KLHL29: variants seen among roughly 807,000 people sequenced by gnomAD.
KLHL29 encodes kelch-like protein 29.
A neutral mutation model predicts 80.4 loss-of-function variants in KLHL29; 21 were observed. The observed-to-expected ratio is 0.26, with a 90% CI of 0.19 to 0.38. The LOEUF is 0.38. Among genes scored for constraint, KLHL29 ranks in the 10% least tolerant of loss-of-function variants. The pLI, the probability that KLHL29 is intolerant of heterozygous loss-of-function variation, is 1.00. For missense variants in KLHL29, 867 were observed against 1,223.9 expected (o/e 0.71, Z 4.35); for synonymous variants, 511 against 526.8 (o/e 0.97, Z 0.41).
At chr2:23,455,998 A>T (rs1283703577) in intron 1 of KLHL29, among the ~76,000 whole-genome samples, 1 of 152,164 alleles carries the variant, frequency 6.6e-6, no homozygotes, top group East Asian at 1.9e-4. Context: ...GGACTTCGTG[A>T]GAAAGCGGCC....
intron 1 of KLHL29, among the ~76,000 whole-genome samples, chr2:23,463,139 T>G (rs1664260827): frequency 6.6e-6 from 1 of 151,944 alleles, no homozygotes; most frequent in African/African-American, 2.4e-5. Flanking sequence ...CTGACAATTT[T>G]TTGGAACGTC....
intron 1 of KLHL29, among the ~76,000 whole-genome samples, chr2:23,400,915 T>C (rs1266610754): frequency 6.6e-6 from 1 of 152,248 alleles, no homozygotes; most frequent in Non-Finnish European, 1.5e-5. Flanking sequence ...CTGGACATGA[T>C]GCAATCATAG....
chr2:23,505,139 G>A (rs1005266769), intron 2 of KLHL29, among the ~76,000 whole-genome samples: 5 of 152,112 alleles, frequency 3.3e-5, no homozygotes, highest in East Asian at 3.9e-4. Context: ...CTCTCCCTTC[G>A]AGGTTAAGTG....
chr2:23,630,475 G>C (rs1011855527), intron 3 of KLHL29, among the ~76,000 whole-genome samples: 7 of 152,018 alleles, frequency 4.6e-5, no homozygotes, highest in African/African-American at 1.7e-4. Flanking sequence ...GCCATGCCCT[G>C]AGTTTTTTTT....
At chr2:23,563,938 C>T (rs1001996743) in intron 3 of KLHL29, among the ~76,000 whole-genome samples, 1 of 152,252 alleles carries the variant, frequency 6.6e-6, no homozygotes. Context: ...CTCCCCTGGG[C>T]GCCAGCCCGA....
At chr2:23,402,576 C>A (rs1198199066) in intron 1 of KLHL29, among the ~76,000 whole-genome samples, 2 of 152,120 alleles carry the variant, frequency 1.3e-5, no homozygotes, top group Admixed American at 1.3e-4. Context: ...GACTGCTCTG[C>A]CCAGCTGTGA....
chr2:23,678,232 C>A (rs1175763609), intron 5 of KLHL29, among the ~76,000 whole-genome samples: 2 of 152,214 alleles, frequency 1.3e-5, no homozygotes, highest in Non-Finnish European at 2.9e-5. Flanking sequence ...CCAGGCAGAG[C>A]CTCTTCCAGT....
chr2:23,676,792 G>C (rs1241640160), intron 5 of KLHL29, among the ~76,000 whole-genome samples: 1 of 152,202 alleles, frequency 6.6e-6, no homozygotes, highest in Non-Finnish European at 1.5e-5. Context: ...GAACATGATA[G>C]AATATGAAGC....
chr2:23,696,756 T>C lies in KLHL29; in HGVS notation c.2105+243T>C. On this transcript the variant is annotated intron_variant, in intron 11 of 13. Coordinates refer to ENST00000486442, the MANE Select transcript of KLHL29 (RefSeq NM_052920.2). This position sits in a 1 kb window ranked among gnomAD's most constrained non-coding sequence, Gnocchi z 5.5. ...GCTGAGATGGGAGATGGGGCGCTTC[T>C]GTCCCGACAACCCATTTAGGTGTCA... 2.2e-6 allele frequency: 1 copy of C among 457,824 alleles called. No individual in the cohort carries two copies. Among genetic ancestry groups the C allele is most frequent in the Non-Finnish European group, 3.9e-6 (1 of 259,412 alleles). The allele number at this position is 457,824 out of a possible 1,614,324, so 28.4% of individuals were successfully genotyped here.
intron 1 of KLHL29, among the ~76,000 whole-genome samples, chr2:23,405,357 A>C (rs1260528833): frequency 6.6e-6 from 1 of 152,238 alleles, no homozygotes; most frequent in East Asian, 1.9e-4. Context: ...AATGACATTT[A>C]AAAATTACCA....
chr2:23,548,638 T>G (rs1396412779), intron 2 of KLHL29, among the ~76,000 whole-genome samples: 1 of 151,988 alleles, frequency 6.6e-6, no homozygotes, highest in African/African-American at 2.4e-5. Context: ...TCCTAGAGAG[T>G]GGATGGCCTG....
Position 23,696,042 on chromosome 2 carries a change from GAAC to G in KLHL29, c.1839_1841del (p.Asn613del). The stretch of plus-strand genomic sequence containing the variant: ...TGGCCGTCACCTGCTGGAACCCGCA[GAAC>G]AACAAGTGGTACCCCTTGGCCTCGC... On this transcript the variant is annotated inframe_deletion, in exon 10 of 14. Transcript: ENST00000486442. The surrounding 1 kb of genome is among the most constrained non-coding windows in gnomAD (Gnocchi z 5.5). The G allele has an allele frequency of 1.3e-6, 2 of 1,551,742 alleles. No homozygotes were observed. The highest frequency in any genetic ancestry group is 1.7e-6 in the Non-Finnish European group (2 of 1,146,984).
intron 2 of KLHL29, among the ~76,000 whole-genome samples, chr2:23,552,094 G>A (rs1667146346): frequency 6.6e-6 from 1 of 152,264 alleles, no homozygotes; most frequent in South Asian, 2.1e-4. Flanking sequence ...AGCAAAGGCT[G>A]AAGCACACAG....
Position 23,479,598 on chromosome 2 carries a change from GCACCTCTGT to G in KLHL29, c.-46+3933_-46+3941del, listed in dbSNP as rs1664731221. On this transcript the variant is annotated intron_variant, in intron 2 of 13. Transcript: ENST00000486442. The stretch of plus-strand genomic sequence containing the variant: ...TGTTCCCAGACTTGACTCCCAGATG[GCACCTCTGT>G]CCTAAGGTCCGGACCATTTCTCCAG... Among the ~76,000 whole-genome samples, 6 of 152,250 alleles carry G rather than the reference GCACCTCTGT, an allele frequency of 3.9e-5. No individual in the cohort carries two copies. In the South Asian group the frequency reaches 1.2e-3, roughly 32 times the overall value.
Position 23,696,148 on chromosome 2 carries a change from G to A in KLHL29, c.1924+15G>A, listed in dbSNP as rs767495320. The A allele has an allele frequency of 6.5e-7, 1 of 1,548,512 alleles. No homozygotes were observed. Among genetic ancestry groups the A allele is most frequent in the Non-Finnish European group, 8.7e-7 (1 of 1,145,080 alleles). ...CTACCTCTCAGGTGAGGCCCCCCGG[G>A]GTTGGGGCGGGACCAGGCATGGGGG... is the stretch of plus-strand genomic sequence containing the variant. On this transcript the variant is annotated intron_variant, in intron 10 of 13. Coordinates refer to ENST00000486442, the MANE Select transcript of KLHL29 (RefSeq NM_052920.2). This position sits in a 1 kb window ranked among gnomAD's most constrained non-coding sequence, Gnocchi z 5.5.
At chr2:23,544,051 G>C (rs1333989663) in intron 2 of KLHL29, among the ~76,000 whole-genome samples, 6 of 152,206 alleles carry the variant, frequency 3.9e-5, no homozygotes. Context: ...ACCGCTTTAA[G>C]ACCCAGGGGA....
chr2:23,454,838 G>C (rs1052983942), intron 1 of KLHL29, among the ~76,000 whole-genome samples: 5 of 151,484 alleles, frequency 3.3e-5, no homozygotes, highest in African/African-American at 1.2e-4. Context: ...GGTGCCTCCT[G>C]CCCACCAGAC....
intron 2 of KLHL29, among the ~76,000 whole-genome samples, chr2:23,497,398 C>G (rs1572357653): frequency 6.6e-6 from 1 of 152,144 alleles, no homozygotes; most frequent in Non-Finnish European, 1.5e-5. Context: ...CTCCCTCTAG[C>G]AGTGCACGTG....
chr2:23,656,541 G>T (rs775596589), intron 5 of KLHL29, among the ~76,000 whole-genome samples: 3 of 152,228 alleles, frequency 2.0e-5, no homozygotes, highest in Non-Finnish European at 4.4e-5. Context: ...TATCTGCAAG[G>T]CCCCTTAGGG....
Sources: gnomAD v4.1 joint callset for allele counts (sites outside exome capture counted in the v4.1 genomes callset) on GRCh38, gnomAD v4.1.1 for gene constraint, Gnocchi (gnomAD v3.1) non-coding constraint, MANE v1.5 for transcripts, NCBI Gene and HGNC (gene_info 2026-07-23, HGNC 2026-07-21) for gene names.